CDH13: variants seen among roughly 807,000 people sequenced by gnomAD.
The protein encoded by CDH13 is cadherin 13, also known as cadherin-13.
CDH13 carries 24 observed loss-of-function variants against 63.8 expected under a neutral mutation model. The observed-to-expected ratio is 0.38, with a 90% confidence interval of 0.27 to 0.53. The LOEUF is 0.53. Among genes scored for constraint, CDH13 ranks in the 20% least tolerant of loss-of-function variants. CDH13 has a pLI of 0.85. For synonymous variants in CDH13, 503 were observed against 355.3 expected, an observed-to-expected ratio of 1.42 and a Z score of -4.67; for missense variants, 1,049 against 903.1, an observed-to-expected ratio of 1.16 and a Z score of -2.07.
At chr16:83,058,439 T>G (rs933474534) in intron 3 of CDH13, among the ~76,000 whole-genome samples, 2 of 152,220 alleles carry the variant, frequency 1.3e-5, no homozygotes, top group Admixed American at 1.3e-4. Flanking sequence ...TACCAAATAA[T>G]TCATTTCCCC....
At chr16:83,717,117 A>T (rs983400374) in intron 10 of CDH13, 1 of 152,186 alleles carries the variant, frequency 6.6e-6, no homozygotes, top group South Asian at 2.1e-4. Context: ...AAAATTAGCC[A>T]GGGGTAGTGG....
At chr16:83,281,499 G>A (rs1044961301) in intron 5 of CDH13, among the ~76,000 whole-genome samples, 1 of 152,190 alleles carries the variant, frequency 6.6e-6, no homozygotes, top group Non-Finnish European at 1.5e-5. Context: ...TGTGTTTACT[G>A]GGGTAGCAAG....
chr16:83,006,931 TG>T lies in CDH13; in HGVS notation c.158-25078del, dbSNP rs1392845668. On this transcript the variant is annotated intron_variant, in intron 2 of 13. Transcript: ENST00000567109. ...TTGTTTGTTTGTTTGTTTGTTTGTT[TG>T]TTTTTTTTGAGACAGAGTTTCACTC... Among the ~76,000 whole-genome samples, 511 of 126,882 alleles carry T rather than the reference TG, an allele frequency of 4.0e-3. 17 individuals carry two copies. Among genetic ancestry groups the T allele is most frequent in the Middle Eastern group, 0.035 (9 of 258 alleles). The allele number at this position is 126,882 out of a possible 152,430, so 83.2% of individuals were successfully genotyped here. A position where few individuals can be genotyped will look rare whatever the true frequency, so the allele number is the denominator to read the frequency against.
chr16:83,170,933 C>T (rs1180781712), intron 4 of CDH13, among the ~76,000 whole-genome samples: 2 of 152,092 alleles, frequency 1.3e-5, no homozygotes, highest in Admixed American at 1.3e-4. Context: ...TGGCCCTCTT[C>T]CATCGTCGCT....
At chr16:82,875,405 T>A (rs868167497) in intron 2 of CDH13, among the ~76,000 whole-genome samples, 3 of 152,140 alleles carry the variant, frequency 2.0e-5, no homozygotes, top group Admixed American at 6.5e-5. Context: ...TTAATTAAAA[T>A]AGAAGGAAGT....
At chr16:83,531,988 G>A (rs146484398) in intron 7 of CDH13, among the ~76,000 whole-genome samples, 101 of 152,226 alleles carry the variant, frequency 6.6e-4, no homozygotes, top group African/African-American at 2.1e-3. Context: ...GGAGGCACCC[G>A]GTGGGAGGTA....
intron 3 of CDH13, among the ~76,000 whole-genome samples, chr16:83,112,775 T>G (rs1286972947): frequency 6.6e-6 from 1 of 152,238 alleles, no homozygotes; most frequent in African/African-American, 2.4e-5. Context: ...ACCTTTTTCT[T>G]TAGCATCGAG....
chr16:82,661,232 A>G (rs60403193), intron 1 of CDH13, among the ~76,000 whole-genome samples: 4,807 of 152,290 alleles, frequency 0.032, 239 homozygotes, highest in African/African-American at 0.11. Context: ...TGTTGTAATG[A>G]GATAGTCCTG....
intron 2 of CDH13, among the ~76,000 whole-genome samples, chr16:82,941,865 C>G (rs917211311): frequency 6.6e-6 from 1 of 152,152 alleles, no homozygotes; most frequent in Admixed American, 6.5e-5. Flanking sequence ...GGAAGTTGTT[C>G]TCCAGAATAT....
chr16:82,862,967 C>T (rs551285668), intron 2 of CDH13, among the ~76,000 whole-genome samples: 2 of 152,290 alleles, frequency 1.3e-5, no homozygotes, highest in East Asian at 3.9e-4. Context: ...GAGGTCACTG[C>T]AGGTGCTTAA....
chr16:83,349,684 T>A (rs2090911391), intron 6 of CDH13, among the ~76,000 whole-genome samples: 1 of 152,052 alleles, frequency 6.6e-6, no homozygotes, highest in African/African-American at 2.4e-5. Context: ...CACTGCAACC[T>A]GTGCCTCCTG....
chr16:82,672,604 C>T (rs1309215278), intron 1 of CDH13, among the ~76,000 whole-genome samples: 1 of 152,106 alleles, frequency 6.6e-6, no homozygotes, highest in East Asian at 1.9e-4. Flanking sequence ...CCCCACACCT[C>T]TATCTAGGTG....
chr16:83,428,941 T>C (rs2072002639), intron 6 of CDH13, among the ~76,000 whole-genome samples: 1 of 152,222 alleles, frequency 6.6e-6, no homozygotes, highest in Non-Finnish European at 1.5e-5. Flanking sequence ...TAACCAACTC[T>C]AGGGGTTTGT....
chr16:82,728,695 A>G (rs2033235398), intron 1 of CDH13, among the ~76,000 whole-genome samples: 1 of 152,156 alleles, frequency 6.6e-6, no homozygotes, highest in Non-Finnish European at 1.5e-5. Context: ...GCTAAGGTGA[A>G]TTGGCAGTTT....
At chr16:83,366,232 A>G (rs1223885001) in intron 6 of CDH13, among the ~76,000 whole-genome samples, 7 of 152,186 alleles carry the variant, frequency 4.6e-5, no homozygotes, top group Admixed American at 3.9e-4. Flanking sequence ...CCAACTTACA[A>G]TTTTCAAGTA....
intron 5 of CDH13, among the ~76,000 whole-genome samples, chr16:83,316,836 T>C (rs1225084596): frequency 6.6e-6 from 1 of 152,212 alleles, no homozygotes; most frequent in Non-Finnish European, 1.5e-5. Context: ...ATATTTATGC[T>C]TGTCTTCCAC....
chr16:82,862,201 G>T (rs1003323486), intron 2 of CDH13, among the ~76,000 whole-genome samples: 2 of 152,118 alleles, frequency 1.3e-5, no homozygotes, highest in Non-Finnish European at 2.9e-5. Flanking sequence ...TGACATCTTA[G>T]TACCACCAGA....
chr16:83,739,248 G>C (rs1911833250), intron 10 of CDH13, among the ~76,000 whole-genome samples: 1 of 152,108 alleles, frequency 6.6e-6, no homozygotes, highest in Non-Finnish European at 1.5e-5. Flanking sequence ...GTGTCTACGT[G>C]ACCAGCCCCC....
In CDH13 at chr16:83,500,305, TC is replaced by T. The variant is rs1361920024; in HGVS notation, c.960+13651del. Among the ~76,000 whole-genome samples, 47 of 820 alleles carry T rather than the reference TC, an allele frequency of 0.057. 8 individuals are homozygous for T. In the East Asian group the frequency reaches 0.62, roughly 11 times the overall value. The allele number at this position is 820 out of a possible 152,430, so 0.5% of individuals were successfully genotyped here. On this transcript the variant is annotated intron_variant, in intron 7 of 13. Coordinates refer to ENST00000567109, the MANE Select transcript of CDH13 (RefSeq NM_001257.5). ...TTCTTCTTCTTCTTCTCCTTCTCCTTCTCCTTCTCCTTCTCCTCCTCCTCCT... is the reference window on the plus strand; with the variant it reads ...TTCTTCTTCTTCTTCTCCTTCTCCTTTCCTTCTCCTTCTCCTCCTCCTCCT...
Sources: gnomAD v4.1 joint callset for allele counts (sites outside exome capture counted in the v4.1 genomes callset) on GRCh38, gnomAD v4.1.1 for gene constraint, MANE v1.5 for transcripts, NCBI Gene and HGNC (gene_info 2026-07-23, HGNC 2026-07-21) for gene names.